The following THSD4 variants were observed in gnomAD, a reference collection of about 807,000 sequenced individuals.
THSD4 encodes thrombospondin type 1 domain containing 4, also known as thrombospondin type-1 domain-containing protein 4.
Under a neutral mutation model 119.0 loss-of-function variants are expected in THSD4, and 69 were observed. That is an observed-to-expected ratio of 0.58 (90% confidence interval 0.48 to 0.71). The LOEUF (loss-of-function observed/expected upper bound fraction) is 0.71. Ranked by LOEUF, THSD4 falls within the 30% of genes least tolerant of loss-of-function variation. The pLI is 0.00. For synonymous variants in THSD4, 524 were observed against 540.4 expected, an observed-to-expected ratio of 0.97 and a Z score of 0.42; for missense variants, 1,393 against 1,391.1, an observed-to-expected ratio of 1.00 and a Z score of -0.02.
chr15:71,177,859 C>T (rs1387990213), intron 3 of THSD4, among the ~76,000 whole-genome samples: 2 of 151,332 alleles, frequency 1.3e-5, no homozygotes, highest in Non-Finnish European at 1.5e-5. Flanking sequence ...AAACATAATC[C>T]AGCCTATAAA....
At chr15:71,150,361 G>T (rs1223709405) in intron 2 of THSD4, among the ~76,000 whole-genome samples, 1 of 152,202 alleles carries the variant, frequency 6.6e-6, no homozygotes, top group African/African-American at 2.4e-5. Flanking sequence ...GCAGGGTGAG[G>T]TATCCTAAAA....
chr15:71,693,452 G>C (rs1261489232), intron 8 of THSD4, among the ~76,000 whole-genome samples: 1 of 152,192 alleles, frequency 6.6e-6, no homozygotes, highest in Non-Finnish European at 1.5e-5. Context: ...TTCAAGACCA[G>C]CTTGGTCCAC....
chr15:71,727,551 AAAAT>A (rs1567121887), intron 8 of THSD4, among the ~76,000 whole-genome samples: 4 of 107,520 alleles, frequency 3.7e-5, no homozygotes, highest in African/African-American at 1.8e-4. Context: ...AAAAAAAAAA[AAAAT>A]ATATATATAT....
intron 7 of THSD4, among the ~76,000 whole-genome samples, chr15:71,549,183 C>T (rs1273604924): frequency 2.6e-5 from 4 of 152,228 alleles, no homozygotes; most frequent in African/African-American, 9.6e-5. Context: ...GAGGTTTTGT[C>T]TTATGAGTTA....
At chr15:71,665,318 A>G (rs562388404) in intron 8 of THSD4, among the ~76,000 whole-genome samples, 11 of 143,202 alleles carry the variant, frequency 7.7e-5, no homozygotes, top group Admixed American at 5.9e-4. Flanking sequence ...TCTTCTGTTC[A>G]TGTCTTTTGC....
At chr15:71,425,672 C>T (rs1231160189) in intron 7 of THSD4, among the ~76,000 whole-genome samples, 1 of 152,180 alleles carries the variant, frequency 6.6e-6, no homozygotes, top group Non-Finnish European at 1.5e-5. Context: ...TTGCTGTGTC[C>T]AGTCTTGCTT....
rs778434072 is a variant in THSD4, at chr15:71,745,221, C to G, written c.2022C>G (p.Phe674Leu). The change falls in exon 12 of 18, where the codon TTC (phenylalanine) becomes TTG (leucine). Residue 674 changes from phenylalanine (F) to leucine (L), a missense_variant. By Grantham distance (22) the Phe-to-Leu change is conservative. Transcript: ENST00000261862. ...CCGAGGAGGAGCCCTGCAACATCTT[C>G]CCTTGCCCAGCCTTGTAAGAAGGCC... The part of the protein sequence containing the change: ...PTPEEEPCNI[F>L]PCPAFWDIGE... 7 of 1,613,968 alleles carry G rather than the reference C, an allele frequency of 4.3e-6. No individual in the cohort carries two copies. The highest frequency in any genetic ancestry group is 5.9e-6 in the Non-Finnish European group (7 of 1,179,980).
chr15:71,412,736 C>G (rs1161538238), intron 7 of THSD4, among the ~76,000 whole-genome samples: 3 of 151,966 alleles, frequency 2.0e-5, no homozygotes, highest in Non-Finnish European at 4.4e-5. Context: ...CACAACCTAC[C>G]CCCCCACCAA....
At chr15:71,122,687 T>A (rs2040418341) in intron 1 of THSD4, among the ~76,000 whole-genome samples, 1 of 152,220 alleles carries the variant, frequency 6.6e-6, no homozygotes, top group African/African-American at 2.4e-5. Flanking sequence ...GGTTCCCATT[T>A]TTTAAAGCAC....
intron 6 of THSD4, among the ~76,000 whole-genome samples, chr15:71,311,895 T>C (rs376130337): frequency 3.3e-5 from 5 of 152,240 alleles, no homozygotes; most frequent in African/African-American, 9.6e-5. Flanking sequence ...CGTACCCCAT[T>C]GTCTCCAGCT....
At chr15:71,213,069 C>T (rs574848437) in intron 3 of THSD4, among the ~76,000 whole-genome samples, 1 of 152,354 alleles carries the variant, frequency 6.6e-6, no homozygotes, top group Non-Finnish European at 1.5e-5. Context: ...AAACAACAGA[C>T]ATTTACTCTC....
chr15:71,369,916 T>A (rs1033597417), intron 6 of THSD4, among the ~76,000 whole-genome samples: 4 of 152,156 alleles, frequency 2.6e-5, no homozygotes, highest in Non-Finnish European at 4.4e-5. Context: ...GTCCTGGAGT[T>A]TTTTTTGGTT....
chr15:71,732,264 T>G (rs1335632688), intron 10 of THSD4: 1 of 152,234 alleles, frequency 6.6e-6, no homozygotes, highest in Non-Finnish European at 1.5e-5. Context: ...ATATGCCTTT[T>G]CTCTTGGTTC....
chr15:71,735,097 G>GAC (rs141422821), intron 10 of THSD4, among the ~76,000 whole-genome samples: 59 of 150,456 alleles, frequency 3.9e-4, no homozygotes, highest in African/African-American at 1.1e-3. Flanking sequence ...CACACACACA[G>GAC]ACACACACAC....
chr15:71,563,134 C>T (rs753771929), intron 7 of THSD4, among the ~76,000 whole-genome samples: 1 of 152,134 alleles, frequency 6.6e-6, no homozygotes, highest in Non-Finnish European at 1.5e-5. Context: ...TATCCCACAT[C>T]GTCCTATGGT....
intron 7 of THSD4, among the ~76,000 whole-genome samples, chr15:71,597,163 A>G (rs544427830): frequency 6.6e-6 from 1 of 152,300 alleles, no homozygotes; most frequent in Non-Finnish European, 1.5e-5. Flanking sequence ...TTATTTCTAA[A>G]TTATAGCATT....
chr15:71,284,723 C>T, intron 6 of THSD4, among the ~76,000 whole-genome samples: 1 of 152,022 alleles, frequency 6.6e-6, no homozygotes, highest in East Asian at 1.9e-4. Context: ...TGGGTTTCAG[C>T]TATGAAAGAA....
chr15:71,199,840 GT>G (rs2043777235), intron 3 of THSD4, among the ~76,000 whole-genome samples: 1 of 142,300 alleles, frequency 7.0e-6, no homozygotes, highest in African/African-American at 2.8e-5. Flanking sequence ...GTGTGTGTGT[GT>G]GCTGTGTGTG....
At chr15:71,291,297 A>G (rs2044788414) in intron 6 of THSD4, among the ~76,000 whole-genome samples, 1 of 152,242 alleles carries the variant, frequency 6.6e-6, no homozygotes, top group African/African-American at 2.4e-5. Flanking sequence ...CTCCAGAGAA[A>G]CAAAACCAAT....
Sources: gnomAD v4.1 joint callset for allele counts (sites outside exome capture counted in the v4.1 genomes callset) on GRCh38, gnomAD v4.1.1 for gene constraint, MANE v1.5 for transcripts, NCBI Gene and HGNC (gene_info 2026-07-23, HGNC 2026-07-21) for gene names.